The following FAM171A1 variants were observed in gnomAD, a reference collection of about 807,000 sequenced individuals.
FAM171A1 encodes family with sequence similarity 171 member A1.
In FAM171A1, 23 loss-of-function variants were observed where a neutral mutation model predicts 74.9. The observed-to-expected ratio is 0.31, with a 90% confidence interval of 0.22 to 0.44. The LOEUF (loss-of-function observed/expected upper bound fraction) is 0.44, where lower values mean the gene tolerates loss of function less well. Among genes scored for constraint, FAM171A1 ranks in the 20% least tolerant of loss-of-function variants. The pLI is 1.00. For missense variants in FAM171A1, 1,162 were observed against 1,159.2 expected (o/e 1.00, Z -0.03); for synonymous variants, 527 against 505.7 (o/e 1.04, Z -0.57).
At chr10:15,314,926 T>C (rs1311705048) in intron 1 of FAM171A1, among the ~76,000 whole-genome samples, 1 of 152,206 alleles carries the variant, frequency 6.6e-6, no homozygotes, top group Non-Finnish European at 1.5e-5. Flanking sequence ...GTCTCTCCGG[T>C]TCCTCCGGGA....
chr10:15,270,272 G>A (rs937571951), intron 3 of FAM171A1, among the ~76,000 whole-genome samples: 23 of 152,150 alleles, frequency 1.5e-4, no homozygotes, highest in African/African-American at 4.3e-4. Flanking sequence ...ATGGAGCCTC[G>A]CTCACTGCTA....
intron 1 of FAM171A1, among the ~76,000 whole-genome samples, chr10:15,324,731 A>AG (rs899882522): frequency 3.3e-5 from 5 of 151,254 alleles, no homozygotes; most frequent in Non-Finnish European, 5.9e-5. Context: ...TTCAAGAGTG[A>AG]GGGGGAAAAA....
chr10:15,216,260 G>T, intron 6 of FAM171A1, 150 bp from the exon 7 acceptor site: 1 of 509,958 alleles, frequency 2.0e-6, no homozygotes, highest in Non-Finnish European at 3.4e-6. Context: ...TCATGCACTT[G>T]GGGTACCACC....
chr10:15,340,117 C>T (rs1835749052), intron 1 of FAM171A1, among the ~76,000 whole-genome samples: 1 of 152,176 alleles, frequency 6.6e-6, no homozygotes, highest in East Asian at 1.9e-4. Flanking sequence ...CAACACTCCC[C>T]TTCTTAAGGG....
At chr10:15,313,273 G>A (rs1835385349) in intron 1 of FAM171A1, among the ~76,000 whole-genome samples, 1 of 152,214 alleles carries the variant, frequency 6.6e-6, no homozygotes, top group African/African-American at 2.4e-5. Flanking sequence ...AAAAACTCCA[G>A]CACTGGTGGC....
chr10:15,366,352 T>G (rs954269554), intron 1 of FAM171A1, among the ~76,000 whole-genome samples: 28 of 152,186 alleles, frequency 1.8e-4, no homozygotes, highest in Non-Finnish European at 1.5e-5. Flanking sequence ...ACTTCTGACC[T>G]CAAGCGATCC....
chr10:15,285,787 T>C (rs1835028684), intron 1 of FAM171A1, among the ~76,000 whole-genome samples: 1 of 152,224 alleles, frequency 6.6e-6, no homozygotes, highest in Non-Finnish European at 1.5e-5. Context: ...CTTGTGTTCA[T>C]AGCACCTTCC....
At chr10:15,308,768 G>A (rs1441285783) in intron 1 of FAM171A1, among the ~76,000 whole-genome samples, 1 of 152,086 alleles carries the variant, frequency 6.6e-6, no homozygotes, top group Non-Finnish European at 1.5e-5. Flanking sequence ...AAACCTGAAG[G>A]GTTGCAAAGC....
At chr10:15,255,058 GGAGA>G (rs928593940) in intron 3 of FAM171A1, among the ~76,000 whole-genome samples, 179 bp from the exon 4 acceptor site, 3 of 152,154 alleles carry the variant, frequency 2.0e-5, no homozygotes, top group Admixed American at 6.5e-5. Context: ...GCTATTATGG[GGAGA>G]GAAATAATAG....
At chr10:15,240,679 CTGGCAGTCA>C (rs1329878288) in intron 5 of FAM171A1, 1 of 980,370 alleles carries the variant, frequency 1.0e-6, no homozygotes, top group Non-Finnish European at 1.2e-6. Flanking sequence ...TTTCAATTTC[CTGGCAGTCA>C]AGGATTAAAG....
chr10:15,284,401 A>T (rs2131809717), intron 1 of FAM171A1, among the ~76,000 whole-genome samples: 1 of 147,250 alleles, frequency 6.8e-6, no homozygotes. Context: ...AACATTGGGC[A>T]ACCAATGCAA....
intron 2 of FAM171A1, among the ~76,000 whole-genome samples, chr10:15,283,245 C>G (rs1194632783): frequency 6.6e-6 from 1 of 152,178 alleles, no homozygotes; most frequent in Non-Finnish European, 1.5e-5. Flanking sequence ...ACAGCTTGCC[C>G]CTGCTGGGAC....
rs1237455552 is a variant in FAM171A1, at chr10:15,248,281, GA to G, written c.754+357del. Among the ~76,000 whole-genome samples the G allele has an allele frequency of 1.1e-4, 16 of 148,266 alleles. 1 individual carries two copies. The highest frequency in any genetic ancestry group is 1.1e-3 in the South Asian group (5 of 4,668). The stretch of plus-strand genomic sequence containing the variant: ...AATGTTTGTCCTTTTTCAGAAAACA[GA>G]AAAAAAAAATACCACACATGACCAA... On this transcript the variant is annotated intron_variant, in intron 5 of 7. Coordinates refer to ENST00000378116, the MANE Select transcript of FAM171A1 (RefSeq NM_001010924.2).
At chr10:15,367,697 T>C (rs1278865969) in intron 1 of FAM171A1, among the ~76,000 whole-genome samples, 3 of 152,230 alleles carry the variant, frequency 2.0e-5, no homozygotes, top group African/African-American at 7.2e-5. Context: ...CCAATCATTG[T>C]CTTCAAATGT....
intron 1 of FAM171A1, among the ~76,000 whole-genome samples, chr10:15,367,841 A>C (rs1836085134): frequency 6.6e-6 from 1 of 152,248 alleles, no homozygotes; most frequent in Non-Finnish European, 1.5e-5. Context: ...TCATCCAATA[A>C]GATGTCTGAG....
intron 5 of FAM171A1, among the ~76,000 whole-genome samples, chr10:15,236,053 C>T (rs1834284509): frequency 6.6e-6 from 1 of 152,160 alleles, no homozygotes; most frequent in Non-Finnish European, 1.5e-5. Flanking sequence ...ACTTACGTTC[C>T]TGCTGTACCC....
chr10:15,229,596 ATCACCATCACCATCATCAC>A (rs1212182504), intron 5 of FAM171A1, among the ~76,000 whole-genome samples: 5,013 of 136,194 alleles, frequency 0.037, 871 homozygotes, highest in Middle Eastern at 0.062. Flanking sequence ...CATCACCATC[ATCACCATCACCATCATCAC>A]CATTGTCACC....
chr10:15,266,778 A>G (rs1050651227), intron 3 of FAM171A1, among the ~76,000 whole-genome samples: 1 of 151,142 alleles, frequency 6.6e-6, no homozygotes, highest in African/African-American at 2.4e-5. Context: ...CTGAGGTGAA[A>G]GGATTGCTTG....
chr10:15,333,288 G>C (rs1477167088), intron 1 of FAM171A1, among the ~76,000 whole-genome samples: 1 of 152,132 alleles, frequency 6.6e-6, no homozygotes, highest in African/African-American at 2.4e-5. Flanking sequence ...GAGGTCAGGA[G>C]TTCGAGACCA....
Sources: gnomAD v4.1 joint callset for allele counts (sites outside exome capture counted in the v4.1 genomes callset) on GRCh38, gnomAD v4.1.1 for gene constraint, MANE v1.5 for transcripts, NCBI Gene and HGNC (gene_info 2026-07-23, HGNC 2026-07-21) for gene names.